Variants in CAMK1G observed in about 807,000 individuals in gnomAD.
CAMK1G encodes calcium/calmodulin-dependent protein kinase type 1G.
In CAMK1G, 27 loss-of-function variants were observed where a neutral mutation model predicts 54.8. That is an observed-to-expected ratio of 0.49 (90% CI 0.36 to 0.68). The LOEUF (loss-of-function observed/expected upper bound fraction) is 0.68, where lower values mean the gene tolerates loss of function less well. Ranked by LOEUF, CAMK1G falls within the 30% of genes least tolerant of loss-of-function variation. The pLI is 0.00. For synonymous variants in CAMK1G, 238 were observed against 224.9 expected (o/e 1.06, Z -0.52); for missense variants, 512 against 591.0 (o/e 0.87, Z 1.39).
chr1:209,599,352 G>A (rs575459157), intron 2 of CAMK1G, among the ~76,000 whole-genome samples: 1 of 152,246 alleles, frequency 6.6e-6, no homozygotes, highest in Non-Finnish European at 1.5e-5. Flanking sequence ...AATAAAATAA[G>A]AATAAGAATG....
intron 1 of CAMK1G, among the ~76,000 whole-genome samples, chr1:209,590,731 G>A (rs927610055): frequency 2.0e-5 from 3 of 152,038 alleles, no homozygotes; most frequent in Admixed American, 2.0e-4. Context: ...CTGTGGAGAG[G>A]GGAGAGAGCA....
chr1:209,594,755 A>G (rs1407192173), intron 1 of CAMK1G, among the ~76,000 whole-genome samples, 200 bp from the exon 2 acceptor site: 1 of 152,242 alleles, frequency 6.6e-6, no homozygotes, highest in Non-Finnish European at 1.5e-5. Context: ...TGTAGTAGGC[A>G]TTCCATGAAT....
intron 3 of CAMK1G, among the ~76,000 whole-genome samples, chr1:209,601,310 T>C (rs2102389145): frequency 6.6e-6 from 1 of 152,294 alleles, no homozygotes; most frequent in African/African-American, 2.4e-5. Context: ...GAGAAGTGAT[T>C]GGGTTTGGGG....
rs145703057 is a variant in CAMK1G, at chr1:209,587,784, C to G, written c.-30+4012C>G. Among the ~76,000 whole-genome samples, 94 of 152,140 alleles carry G rather than the reference C, an allele frequency of 6.2e-4. 1 individual carries two copies. The highest frequency in any genetic ancestry group is 4.1e-3 in the East Asian group (21 of 5,184). ...GGATGATATAAAGTCCAATATGGACCAGAGTCTAGAAAATTGTGTGACCCA... is the reference window on the plus strand; with the variant it reads ...GGATGATATAAAGTCCAATATGGACGAGAGTCTAGAAAATTGTGTGACCCA... On this transcript the variant is annotated intron_variant, in intron 1 of 12. Transcript: ENST00000361322.
intron 9 of CAMK1G, 88 bp downstream of exon 9, chr1:209,610,017 C>A: frequency 9.6e-7 from 1 of 1,036,560 alleles, no homozygotes; most frequent in Non-Finnish European, 1.5e-6. Context: ...TCCCTGGAAT[C>A]TGCTTGTCCT....
chr1:209,601,360 G>A lies in CAMK1G; in HGVS notation c.221+1249G>A, dbSNP rs74157989. Among the ~76,000 whole-genome samples, 769 of 152,342 alleles carry A rather than the reference G, an allele frequency of 5.0e-3. 8 individuals are homozygous for A. The highest frequency in any genetic ancestry group is 0.018 in the African/African-American group (735 of 41,576). On this transcript the variant is annotated intron_variant, in intron 3 of 12. Coordinates refer to ENST00000361322, the MANE Select transcript of CAMK1G (RefSeq NM_020439.3). ...TATACAGGACAAAAGCATAAAAAGA[G>A]ACCCTGAGATTGAGCAATCAAGTGG...
intron 1 of CAMK1G, among the ~76,000 whole-genome samples, chr1:209,593,806 A>G (rs1665315371): frequency 2.0e-5 from 2 of 100,580 alleles, no homozygotes; most frequent in Admixed American, 1.9e-4. Context: ...TAAAACATCA[A>G]TGGTGTAATA....
At chr1:209,599,861 G>C in intron 2 of CAMK1G, 122 bp from the exon 3 acceptor site, 10 of 1,157,398 alleles carry the variant, frequency 8.6e-6, no homozygotes, top group Non-Finnish European at 1.2e-5. Flanking sequence ...TTTAAATTCA[G>C]TATATGCCTT....
chr1:209,610,601 C>T (rs1383207538), intron 9 of CAMK1G, among the ~76,000 whole-genome samples: 1 of 152,172 alleles, frequency 6.6e-6, no homozygotes, highest in African/African-American at 2.4e-5. Context: ...AGATCATTCC[C>T]ACTACCTACA....
Position 209,606,307 on chromosome 1 carries a change from T to A in CAMK1G, c.436-13T>A. On this transcript the variant is annotated splice_polypyrimidine_tract_variant and intron_variant, in intron 5 of 12. Transcript: ENST00000361322. The stretch of plus-strand genomic sequence containing the variant: ...GTGGTTATATCCTACACTACATATT[T>A]TTTCTCCTACAGCCCGAAAACCTGC... The A allele has an allele frequency of 6.2e-6, 10 of 1,612,732 alleles. No homozygotes were observed. The highest frequency in any genetic ancestry group is 8.5e-6 in the Non-Finnish European group (10 of 1,179,340).
rs1665057754 is a variant in CAMK1G, at chr1:209,584,954, C to A, written c.-30+1182C>A. ...TGTTTATAATTAATCATCTTTAGGA[C>A]GATCCCATCAGATGGTGTGGCATGT... On this transcript the variant is annotated intron_variant, in intron 1 of 12. Transcript: ENST00000361322. 3.9e-5 allele frequency among the ~76,000 whole-genome samples: 6 copies of A among 152,250 alleles called. No homozygotes were observed. The South Asian group carries it at 1.2e-3, about 32-fold the overall frequency.
intron 2 of CAMK1G, among the ~76,000 whole-genome samples, chr1:209,595,527 G>T (rs1390205847): frequency 2.1e-5 from 3 of 145,392 alleles, no homozygotes; most frequent in African/African-American, 7.8e-5. Flanking sequence ...TTCCAGATCT[G>T]TGCCGGTTTG....
chr1:209,606,203 G>C, intron 5 of CAMK1G, 117 bp from the exon 6 acceptor site: 1 of 1,321,360 alleles, frequency 7.6e-7, no homozygotes, highest in South Asian at 1.4e-5. Context: ...GGGAGGATGA[G>C]CTGGCCTTGA....
At chr1:209,585,703 T>A (rs1665079557) in intron 1 of CAMK1G, among the ~76,000 whole-genome samples, 1 of 152,126 alleles carries the variant, frequency 6.6e-6, no homozygotes, top group Non-Finnish European at 1.5e-5. Flanking sequence ...TGAAAAAGCA[T>A]CCCCCTCTAA....
intron 3 of CAMK1G, among the ~76,000 whole-genome samples, chr1:209,601,840 C>A (rs1444406705): frequency 6.6e-6 from 1 of 152,152 alleles, no homozygotes; most frequent in Non-Finnish European, 1.5e-5. Context: ...TATCCTGATA[C>A]AATTCTATAA....
chr1:209,613,466 G>A lies in CAMK1G; in HGVS notation c.*464G>A, dbSNP rs370484705. The A allele has an allele frequency of 2.0e-4, 30 of 152,644 alleles. No homozygotes were observed. In the South Asian group the frequency reaches 5.8e-3, roughly 29 times the overall value. The allele number at this position is 152,644 out of a possible 1,614,324, so 9.5% of individuals were successfully genotyped here. A position where few individuals can be genotyped will look rare whatever the true frequency, so the allele number is the denominator to read the frequency against. ...GCACACACTCACTCCCACCTCTCAA[G>A]CCTCCAACCTCTTGGCCAGATTGGG... On this transcript the variant is annotated 3_prime_UTR_variant, in exon 13 of 13. Transcript: ENST00000361322.
chr1:209,612,073 C>T lies in CAMK1G; in HGVS notation c.1197C>T (p.Ile399=), dbSNP rs1034532607. The change falls in exon 11 of 13, where the codon ATC becomes ATT. Residue 399 remains isoleucine (I), a synonymous_variant. Coordinates refer to ENST00000361322, the MANE Select transcript of CAMK1G (RefSeq NM_020439.3). The part of the protein sequence containing the change: ...LNCLVNGSLH[I]SSSLVPMHQG... ...GCCTGGTCAATGGCTCCCTCCACAT[C>T]AGCAGCAGCCTGGTGCCCATGCATC... The T allele has an allele frequency of 1.2e-6, 2 of 1,614,216 alleles. No homozygotes were observed. The highest frequency in any genetic ancestry group is 3.3e-5 in the Admixed American group (2 of 60,034).
In CAMK1G at chr1:209,609,039, A is replaced by T; in HGVS notation, c.695A>T (p.Lys232Met). ...GAGTCTAAGCTTTTCGAGAAGATCA[A>T]GGAGGGCTACTATGAGTTTGAGTCT... ...ETESKLFEKI[K>M]EGYYEFESPF... Residue 232 changes from lysine (K) to methionine (M), a missense_variant, in exon 8 of 13, where the codon AAG becomes ATG. Physicochemically the swap from Lys to Met is moderately conservative, Grantham distance 95. Transcript: ENST00000361322. 1 of 1,614,206 alleles carries T rather than the reference A, an allele frequency of 6.2e-7. No homozygotes were observed. The highest frequency in any genetic ancestry group is 8.5e-7 in the Non-Finnish European group (1 of 1,180,020).
At chr1:209,599,581 C>T (rs909958926) in intron 2 of CAMK1G, among the ~76,000 whole-genome samples, 3 of 152,204 alleles carry the variant, frequency 2.0e-5, no homozygotes, top group Non-Finnish European at 2.9e-5. Flanking sequence ...TATTCCCTTA[C>T]GTGACCATAG....
Sources: gnomAD v4.1 joint callset for allele counts (sites outside exome capture counted in the v4.1 genomes callset) on GRCh38, gnomAD v4.1.1 for gene constraint, MANE v1.5 for transcripts, NCBI Gene and HGNC (gene_info 2026-07-23, HGNC 2026-07-21) for gene names.